DRC11: variants seen among roughly 807,000 people sequenced by gnomAD.
The protein encoded by DRC11 is dynein regulatory complex subunit 11, also known as IQ and AAA domain-containing protein 1.
chr2:236,413,056 C>T, the DRC11 span, among the ~76,000 whole-genome samples: 1 of 152,164 alleles, frequency 6.6e-6, no homozygotes, highest in Non-Finnish European at 1.5e-5. The surrounding 1 kb of genome is among the most constrained non-coding windows in gnomAD (Gnocchi z 4.0). Context: ...CATTCCATAT[C>T]CCTCATGAAG....
At chr2:236,462,245 G>A in the DRC11 span, among the ~76,000 whole-genome samples, 3 of 152,206 alleles carry the variant, frequency 2.0e-5, no homozygotes, top group East Asian at 3.9e-4. This position sits in a 1 kb window ranked among gnomAD's most constrained non-coding sequence, Gnocchi z 6.4. Flanking sequence ...CAGCAGAGCC[G>A]GGCTCAGACC....
At chr2:236,498,605 A>C in the DRC11 span, among the ~76,000 whole-genome samples, 1 of 152,108 alleles carries the variant, frequency 6.6e-6, no homozygotes, top group Admixed American at 6.5e-5. Flanking sequence ...AGAGCAGAGG[A>C]GTATGACCCT....
the DRC11 span, among the ~76,000 whole-genome samples, chr2:236,369,963 G>C: frequency 2.8e-4 from 43 of 152,314 alleles, no homozygotes; most frequent in East Asian, 4.8e-3. The surrounding 1 kb of genome is among the most constrained non-coding windows in gnomAD (Gnocchi z 4.5). Flanking sequence ...CTGCACGACA[G>C]GTGGAATCGA....
At chr2:236,477,322 GAAGT>G in the DRC11 span, among the ~76,000 whole-genome samples, 50 of 152,226 alleles carry the variant, frequency 3.3e-4, no homozygotes, top group African/African-American at 1.1e-3. Flanking sequence ...TTCTTACAAT[GAAGT>G]AAGCGAGAAA....
chr2:236,440,246 G>A, the DRC11 span, among the ~76,000 whole-genome samples: 14 of 152,152 alleles, frequency 9.2e-5, no homozygotes, highest in African/African-American at 2.7e-4. Flanking sequence ...GTGAAGTAGC[G>A]TAGGGTAAAT....
chr2:236,357,474 GTA>G, the DRC11 span, among the ~76,000 whole-genome samples: 1 of 124,572 alleles, frequency 8.0e-6, no homozygotes, highest in Non-Finnish European at 1.6e-5. Context: ...CATATTACAT[GTA>G]TATTTATATA....
the DRC11 span, among the ~76,000 whole-genome samples, chr2:236,422,217 C>T: frequency 5.9e-5 from 9 of 152,176 alleles, no homozygotes; most frequent in Non-Finnish European, 8.8e-5. Context: ...GGCAATTAGG[C>T]AGGAGAAGGA....
chr2:236,389,240 G>A, the DRC11 span, among the ~76,000 whole-genome samples: 1 of 152,230 alleles, frequency 6.6e-6, no homozygotes, highest in African/African-American at 2.4e-5. Context: ...CCTGGGCAAT[G>A]GCGGGCGCCC....
chr2:236,411,398 A>G, the DRC11 span, among the ~76,000 whole-genome samples: 4 of 150,428 alleles, frequency 2.7e-5, no homozygotes, highest in Non-Finnish European at 6.0e-5. Flanking sequence ...AGGCAACAAC[A>G]GGTGCTGGAG....
chr2:236,454,256 G>A, the DRC11 span, among the ~76,000 whole-genome samples: 1 of 152,172 alleles, frequency 6.6e-6, no homozygotes, highest in Non-Finnish European at 1.5e-5. The surrounding 1 kb of genome is among the most constrained non-coding windows in gnomAD (Gnocchi z 5.3). Context: ...AACCAAGAGA[G>A]CCTAGAGCTG....
the DRC11 span, among the ~76,000 whole-genome samples, chr2:236,447,871 G>A: frequency 1.5e-4 from 20 of 129,724 alleles, no homozygotes; most frequent in Admixed American, 1.8e-3. The surrounding 1 kb of genome is among the most constrained non-coding windows in gnomAD (Gnocchi z 4.6). Context: ...GAGAGCAAAT[G>A]AAAGCTGGCC....
chr2:236,367,985 C>T, the DRC11 span: 621 of 592,814 alleles, frequency 1.0e-3, 8 homozygotes, highest in Admixed American at 2.2e-3. This position sits in a 1 kb window ranked among gnomAD's most constrained non-coding sequence, Gnocchi z 4.8. Context: ...TAAGCAGGCA[C>T]GCAGAGAGGG....
the DRC11 span, among the ~76,000 whole-genome samples, chr2:236,462,405 C>A: frequency 6.6e-6 from 1 of 152,288 alleles, no homozygotes; most frequent in African/African-American, 2.4e-5. The surrounding 1 kb of genome is among the most constrained non-coding windows in gnomAD (Gnocchi z 6.4). Context: ...GGTGCGGTGG[C>A]TCATGCCTGT....
the DRC11 span, among the ~76,000 whole-genome samples, chr2:236,403,578 G>C: frequency 0.032 from 4,820 of 152,226 alleles, 242 homozygotes; most frequent in East Asian, 0.18. Flanking sequence ...CAGAATCATA[G>C]TTTATGGCTT....
chr2:236,465,850 G>T, the DRC11 span: 1 of 630,530 alleles, frequency 1.6e-6, no homozygotes, highest in East Asian at 2.7e-5. This position sits in a 1 kb window ranked among gnomAD's most constrained non-coding sequence, Gnocchi z 6.2. Flanking sequence ...TCCAGAGGAA[G>T]CAAAGCTAAC....
chr2:236,343,737 A>G, the DRC11 span: 8,178 of 1,304,108 alleles, frequency 6.3e-3, 59 homozygotes, highest in Non-Finnish European at 5.5e-3. The surrounding 1 kb of genome is among the most constrained non-coding windows in gnomAD (Gnocchi z 6.6). Flanking sequence ...TCTGCAATGC[A>G]GCAACTTCGC....
chr2:236,460,849 G>C, the DRC11 span, among the ~76,000 whole-genome samples: 7 of 152,124 alleles, frequency 4.6e-5, no homozygotes, highest in Non-Finnish European at 8.8e-5. The surrounding 1 kb of genome is among the most constrained non-coding windows in gnomAD (Gnocchi z 4.0). Context: ...CCACCTCCCA[G>C]GTTCAAGCAA....
the DRC11 span, among the ~76,000 whole-genome samples, chr2:236,456,058 A>G: frequency 5.3e-5 from 8 of 152,290 alleles, no homozygotes; most frequent in Non-Finnish European, 7.3e-5. The surrounding 1 kb of genome is among the most constrained non-coding windows in gnomAD (Gnocchi z 5.4). Flanking sequence ...TACAGCTGTG[A>G]ATACAAAGGC....
chr2:236,391,025 T>A, the DRC11 span: 3 of 152,130 alleles, frequency 2.0e-5, no homozygotes, highest in African/African-American at 7.2e-5. This position sits in a 1 kb window ranked among gnomAD's most constrained non-coding sequence, Gnocchi z 4.5. Flanking sequence ...CAGTGCATCT[T>A]TTTTTTTATG....
Sources: allele counts gnomAD v4.1 joint callset (sites outside exome capture counted in the v4.1 genomes callset), GRCh38; gene constraint gnomAD v4.1.1; non-coding constraint Gnocchi (gnomAD v3.1); transcripts MANE v1.5; gene names NCBI Gene and HGNC (gene_info 2026-07-23, HGNC 2026-07-21).